PCCA: variants seen among roughly 807,000 people sequenced by gnomAD.
PCCA encodes the protein propionyl-CoA carboxylase alpha chain, mitochondrial.
In PCCA, 74 loss-of-function variants were observed where a neutral mutation model predicts 101.3. The ratio of observed to expected loss-of-function variants is 0.73; its 90% confidence interval spans 0.61 to 0.89. PCCA has a LOEUF of 0.89. Among genes scored for constraint, PCCA ranks in the 40% least tolerant of loss-of-function variants. The pLI, the probability that PCCA is intolerant of heterozygous loss-of-function variation, is 0.00. For missense variants in PCCA, 891 were observed against 907.0 expected (o/e 0.98, Z 0.23); for synonymous variants, 294 against 313.6 (o/e 0.94, Z 0.66).
chr13:100,246,275 A>C (rs681561), intron 8 of PCCA, among the ~76,000 whole-genome samples: 83,842 of 150,566 alleles, frequency 0.56, 23,612 homozygotes, highest in East Asian at 0.76. Context: ...GATTTCTGCT[A>C]TGATTTTGAC....
chr13:100,343,498 A>ACT (rs2071710501), intron 18 of PCCA, among the ~76,000 whole-genome samples: 1 of 152,264 alleles, frequency 6.6e-6, no homozygotes, highest in East Asian at 1.9e-4. Context: ...TAACATGTGA[A>ACT]GAGACAGAAA....
At chr13:100,159,873 A>G (rs879334544) in intron 6 of PCCA, among the ~76,000 whole-genome samples, 3 of 152,182 alleles carry the variant, frequency 2.0e-5, no homozygotes, top group South Asian at 2.1e-4. Context: ...GGCACAGTTC[A>G]TATGCAGCCT....
At chr13:100,373,918 C>G (rs1306377848) in intron 19 of PCCA, among the ~76,000 whole-genome samples, 1 of 152,030 alleles carries the variant, frequency 6.6e-6, no homozygotes, top group East Asian at 1.9e-4. Flanking sequence ...TCGAGACCAG[C>G]CTGGCCAACA....
At chr13:100,242,448 G>A (rs1353852951) in intron 8 of PCCA, among the ~76,000 whole-genome samples, 1 of 152,152 alleles carries the variant, frequency 6.6e-6, no homozygotes. Context: ...AGTAGTTGGA[G>A]ACTTTAATAG....
At chr13:100,182,285 C>T (rs192365004) in intron 6 of PCCA, among the ~76,000 whole-genome samples, 151 of 151,578 alleles carry the variant, frequency 1.0e-3, no homozygotes, top group Non-Finnish European at 1.7e-3. Context: ...TTAGTAGAGA[C>T]GGGGTTTCAC....
At chr13:100,112,192 G>T in intron 4 of PCCA, 131 bp downstream of exon 4, 3 of 674,868 alleles carry the variant, frequency 4.4e-6, no homozygotes, top group Non-Finnish European at 5.3e-6. Context: ...CTTGTTCACT[G>T]TTGTGTTAAG....
intron 12 of PCCA, among the ~76,000 whole-genome samples, chr13:100,290,844 G>A (rs1357749580): frequency 1.3e-5 from 2 of 152,168 alleles, no homozygotes; most frequent in African/African-American, 4.8e-5. Context: ...GGTTGCAACA[G>A]TGGTTATCCT....
chr13:100,214,356 C>A (rs2059390998), intron 7 of PCCA, among the ~76,000 whole-genome samples: 1 of 150,982 alleles, frequency 6.6e-6, no homozygotes, highest in African/African-American at 2.4e-5. Flanking sequence ...AATGTAGAAT[C>A]TCTTTGCATC....
At chr13:100,205,476 A>G (rs2058793589) in intron 6 of PCCA, among the ~76,000 whole-genome samples, 1 of 150,878 alleles carries the variant, frequency 6.6e-6, no homozygotes, top group Non-Finnish European at 1.5e-5. Flanking sequence ...CCAGCATACT[A>G]CTGGCTATTT....
intron 12 of PCCA, among the ~76,000 whole-genome samples, chr13:100,280,886 C>G (rs2064052634): frequency 6.6e-6 from 1 of 152,150 alleles, no homozygotes; most frequent in South Asian, 2.1e-4. Context: ...TGTAGACACT[C>G]CCTCTCCATG....
At chr13:100,322,458 G>A (rs1253741973) in intron 16 of PCCA, among the ~76,000 whole-genome samples, 1 of 151,834 alleles carries the variant, frequency 6.6e-6, no homozygotes, top group Non-Finnish European at 1.5e-5. Context: ...AATAAACTGT[G>A]TCTTAAAAAT....
intron 22 of PCCA, among the ~76,000 whole-genome samples, chr13:100,524,374 C>CGT (rs1210676697): frequency 0.036 from 5,038 of 138,962 alleles, 102 homozygotes; most frequent in African/African-American, 0.06. Context: ...CAATTAAGCT[C>CGT]GTGTGTGTGT....
At chr13:100,227,497 G>A (rs1309911474) in intron 7 of PCCA, among the ~76,000 whole-genome samples, 1 of 152,088 alleles carries the variant, frequency 6.6e-6, no homozygotes. Flanking sequence ...ACTATTCTTG[G>A]GTTGGGTGAT....
chr13:100,208,367 A>C (rs546582578), intron 6 of PCCA, among the ~76,000 whole-genome samples: 26 of 152,318 alleles, frequency 1.7e-4, no homozygotes, highest in African/African-American at 5.8e-4. Context: ...TGGAATGAAC[A>C]GGTGATGTAA....
At chr13:100,323,377 A>T (rs904358620) in intron 16 of PCCA, among the ~76,000 whole-genome samples, 2 of 151,842 alleles carry the variant, frequency 1.3e-5, no homozygotes, top group Middle Eastern at 3.2e-3. Context: ...GCTGGAGTAC[A>T]ATGGTGCGGT....
intron 19 of PCCA, among the ~76,000 whole-genome samples, chr13:100,406,769 A>C (rs2077707566): frequency 1.3e-5 from 2 of 152,226 alleles, no homozygotes; most frequent in South Asian, 4.1e-4. Context: ...AAACTAAACA[A>C]GGATCAGCAA....
chr13:100,451,158 C>G (rs1351352205), intron 21 of PCCA, among the ~76,000 whole-genome samples: 1 of 152,064 alleles, frequency 6.6e-6, no homozygotes, highest in African/African-American at 2.4e-5. Context: ...TTGGATGAGG[C>G]CCACCCACTG....
At chr13:100,418,274 A>G (rs185593003) in intron 19 of PCCA, among the ~76,000 whole-genome samples, 1 of 152,292 alleles carries the variant, frequency 6.6e-6, no homozygotes, top group Admixed American at 6.5e-5. Flanking sequence ...TGAACGTCCC[A>G]TACCAAGGGC....
chr13:100,324,391 T>C (rs2068415308), intron 16 of PCCA, among the ~76,000 whole-genome samples: 1 of 152,208 alleles, frequency 6.6e-6, no homozygotes, highest in Non-Finnish European at 1.5e-5. Flanking sequence ...TCCATTTATC[T>C]TGGATTTTTT....
Sources: allele counts gnomAD v4.1 joint callset (sites outside exome capture counted in the v4.1 genomes callset), GRCh38; gene constraint gnomAD v4.1.1; transcripts MANE v1.5; gene names NCBI Gene and HGNC (gene_info 2026-07-23, HGNC 2026-07-21).